SNTG1: variants seen among roughly 807,000 people sequenced by gnomAD.
SNTG1 encodes syntrophin gamma 1.
SNTG1 carries 39 observed loss-of-function variants against 74.7 expected under a neutral mutation model. The observed-to-expected ratio is 0.52, with a 90% CI of 0.40 to 0.68. The LOEUF (loss-of-function observed/expected upper bound fraction) is 0.68. SNTG1 is among the 30% of genes least tolerant of loss of function. SNTG1 has a pLI of 0.00. For missense variants in SNTG1, 685 were observed against 609.5 expected, an observed-to-expected ratio of 1.12 and a Z score of -1.30; for synonymous variants, 254 against 217.1, an observed-to-expected ratio of 1.17 and a Z score of -1.49.
chr8:50,569,979 A>T (rs1585714957), intron 12 of SNTG1, among the ~76,000 whole-genome samples: 1 of 152,156 alleles, frequency 6.6e-6, no homozygotes, highest in African/African-American at 2.4e-5. Flanking sequence ...CTTAACAATC[A>T]TATTTTTACA....
At chr8:50,293,472 T>C (rs919691939) in intron 2 of SNTG1, among the ~76,000 whole-genome samples, 1 of 151,458 alleles carries the variant, frequency 6.6e-6, no homozygotes, top group Admixed American at 6.6e-5. Context: ...TGCAGTGGCA[T>C]GATCTCAGCT....
At chr8:50,497,926 T>C (rs1347639727) in intron 8 of SNTG1, among the ~76,000 whole-genome samples, 3 of 152,040 alleles carry the variant, frequency 2.0e-5, no homozygotes, top group Admixed American at 2.0e-4. Flanking sequence ...CCTGGTATCA[T>C]GTACCCATCA....
intron 1 of SNTG1, among the ~76,000 whole-genome samples, chr8:50,103,256 T>A (rs536162400): frequency 6.6e-6 from 1 of 152,232 alleles, no homozygotes; most frequent in Non-Finnish European, 1.5e-5. Flanking sequence ...TTTGTAGTTC[T>A]TCTTGAAGAG....
intron 2 of SNTG1, among the ~76,000 whole-genome samples, chr8:50,345,135 C>T (rs11991913): frequency 0.065 from 9,950 of 152,212 alleles, 352 homozygotes; most frequent in African/African-American, 0.072. Flanking sequence ...TGTTACTTTT[C>T]TAATGACAGC....
intron 1 of SNTG1, among the ~76,000 whole-genome samples, chr8:50,060,358 T>G (rs1373610818): frequency 6.6e-6 from 1 of 152,124 alleles, no homozygotes; most frequent in East Asian, 1.9e-4. Context: ...AGCAAAAGTT[T>G]TTAACTTTTG....
intron 2 of SNTG1, among the ~76,000 whole-genome samples, chr8:50,345,251 C>T (rs2130961162): frequency 6.6e-6 from 1 of 152,308 alleles, no homozygotes; most frequent in East Asian, 1.9e-4. Context: ...GACAGGCCCT[C>T]CTGTTCAGTA....
At chr8:50,709,210 A>C (rs550354554) in intron 17 of SNTG1, 1 of 529,684 alleles carries the variant, frequency 1.9e-6, no homozygotes, top group Non-Finnish European at 3.4e-6. Context: ...TTTATTTATA[A>C]GTCTATCTAT....
chr8:49,982,758 C>A (rs1333712077), intron 1 of SNTG1, among the ~76,000 whole-genome samples: 1 of 151,830 alleles, frequency 6.6e-6, no homozygotes. Context: ...TTAGATCATT[C>A]CTAGTTTTAT....
intron 2 of SNTG1, among the ~76,000 whole-genome samples, chr8:50,205,009 G>A (rs958313421): frequency 1.7e-4 from 26 of 152,140 alleles, no homozygotes; most frequent in South Asian, 6.2e-4. Context: ...TTGCTATTGT[G>A]AATAGTGCCG....
At chr8:50,365,703 T>C (rs1190653055) in intron 2 of SNTG1, among the ~76,000 whole-genome samples, 1 of 152,170 alleles carries the variant, frequency 6.6e-6, no homozygotes, top group African/African-American at 2.4e-5. Context: ...TATTGTGTTC[T>C]TATTACAATA....
intron 13 of SNTG1, among the ~76,000 whole-genome samples, chr8:50,598,995 G>T (rs556827745): frequency 2.0e-5 from 3 of 152,070 alleles, no homozygotes; most frequent in African/African-American, 4.8e-5. Flanking sequence ...TCTATGGTAG[G>T]TGTGTATATT....
At chr8:49,984,436 C>G (rs1812968181) in intron 1 of SNTG1, among the ~76,000 whole-genome samples, 1 of 152,098 alleles carries the variant, frequency 6.6e-6, no homozygotes, top group Admixed American at 6.5e-5. Flanking sequence ...AACTCCTGAC[C>G]TCAGGTAATC....
At position 50,402,293 on chromosome 8, in the gene SNTG1, G is replaced by C; in HGVS notation, c.111G>C (p.Met37Ile). Residue 37 changes from methionine (M) to isoleucine (I), a missense_variant, in exon 4 of 19, where the codon ATG becomes ATC. Physicochemically the swap from Met to Ile is conservative, Grantham distance 10. Coordinates refer to ENST00000642720, the MANE Select transcript of SNTG1 (RefSeq NM_018967.5). ...TGCACCTAGCCAAAGACATTTTGAT[G>C]ATCCAGGAACAGGATGTGATATGTG... ...VRLHLAKDIL[M>I]IQEQDVICVS... 7.4e-6 allele frequency: 12 copies of C among 1,613,790 alleles called. No homozygotes were observed. The South Asian group carries it at 1.2e-4, about 16-fold the overall frequency.
chr8:50,298,290 G>C (rs2089484537), intron 2 of SNTG1, among the ~76,000 whole-genome samples: 1 of 152,054 alleles, frequency 6.6e-6, no homozygotes, highest in Non-Finnish European at 1.5e-5. Context: ...AACATCTCTA[G>C]GTTGGAAAGA....
At chr8:50,788,295 G>C (rs1048144449) in intron 18 of SNTG1, among the ~76,000 whole-genome samples, 11 of 152,010 alleles carry the variant, frequency 7.2e-5, no homozygotes, top group African/African-American at 2.7e-4. Context: ...ATGCTATTAA[G>C]CAAGTGATTT....
chr8:50,053,623 TTGTGTG>T (rs60947505), intron 1 of SNTG1, among the ~76,000 whole-genome samples: 5 of 134,430 alleles, frequency 3.7e-5, no homozygotes, highest in African/African-American at 5.7e-5. Context: ...ATATATATAA[TTGTGTG>T]TGTGTGTGTG....
chr8:50,102,062 G>A (rs908216129), intron 1 of SNTG1, among the ~76,000 whole-genome samples: 2 of 151,994 alleles, frequency 1.3e-5, no homozygotes, highest in Non-Finnish European at 2.9e-5. Flanking sequence ...ATAATCCTTT[G>A]GGTATATAAC....
At chr8:49,952,147 T>C (rs979801463) in intron 1 of SNTG1, among the ~76,000 whole-genome samples, 14 of 152,166 alleles carry the variant, frequency 9.2e-5, no homozygotes, top group African/African-American at 3.1e-4. Flanking sequence ...TTACTGCTTT[T>C]ACTGTTTGTC....
chr8:50,252,195 G>C (rs1466988574), intron 2 of SNTG1, among the ~76,000 whole-genome samples: 1 of 151,766 alleles, frequency 6.6e-6, no homozygotes, highest in African/African-American at 2.4e-5. Context: ...GAACTGTATA[G>C]AAAATAACAA....
Sources: allele counts gnomAD v4.1 joint callset (sites outside exome capture counted in the v4.1 genomes callset), GRCh38; gene constraint gnomAD v4.1.1; transcripts MANE v1.5; gene names NCBI Gene and HGNC (gene_info 2026-07-23, HGNC 2026-07-21).